CTSE: variants seen among roughly 807,000 people sequenced by gnomAD.
CTSE encodes the protein cathepsin E.
Under a neutral mutation model 42.8 loss-of-function variants are expected in CTSE, and 43 were observed. The ratio of observed to expected loss-of-function variants is 1.01; its 90% CI spans 0.79 to 1.30. The LOEUF (loss-of-function observed/expected upper bound fraction) is 1.30, where lower values mean the gene tolerates loss of function less well. Ranked by LOEUF, CTSE falls within the 50% of genes most tolerant of loss-of-function variation. The probability of loss-of-function intolerance (pLI) is 0.00; values close to 1 mark genes in which losing one functional copy is unlikely to be tolerated. For missense variants in CTSE, 532 were observed against 493.5 expected, an observed-to-expected ratio of 1.08 and a Z score of -0.74; for synonymous variants, 205 against 191.5, an observed-to-expected ratio of 1.07 and a Z score of -0.58.
At chr1:206,010,553 C>T (rs1661064536) in intron 8 of CTSE, among the ~76,000 whole-genome samples, 1 of 151,984 alleles carries the variant, frequency 6.6e-6, no homozygotes, top group African/African-American at 2.4e-5. Flanking sequence ...TGCACAAGTC[C>T]ATTCTTATGG....
At chr1:206,013,938 A>G in intron 5 of CTSE, 44 bp from the exon 6 acceptor site, 1 of 1,608,386 alleles carries the variant, frequency 6.2e-7, no homozygotes, top group Non-Finnish European at 8.5e-7. Flanking sequence ...GGCCACTGCA[A>G]AACTCTAGGG....
In CTSE at chr1:206,016,258, G is replaced by A. The variant is rs1661262033; in HGVS notation, c.463-128C>T. The A allele has an allele frequency of 3.7e-6, 3 of 813,744 alleles. No homozygotes were observed. The Admixed American group carries it at 6.6e-5, about 18-fold the overall frequency. The allele number at this position is 813,744 out of a possible 1,614,324, so 50.4% of individuals were successfully genotyped here. On this transcript the variant is annotated intron_variant, in intron 4 of 8. Coordinates refer to ENST00000358184, the MANE Select transcript of CTSE (RefSeq NM_001910.4). ...CCTTCCCAACTTTCCTTGACTAAAT[G>A]AGCACAAAGATGCTTGCTATATTCC...
At position 206,012,512 on chromosome 1, in the gene CTSE, C is replaced by T. The variant is rs554550981; in HGVS notation, c.923G>A (p.Gly308Glu). The T allele has an allele frequency of 6.2e-7, 1 of 1,614,010 alleles. No individual in the cohort carries two copies. The highest frequency in any genetic ancestry group is 1.7e-5 in the Admixed American group (1 of 60,016). ...CTTGCGCAGGCAGGCACTCACTTCT[C>T]CATCCACGGGGGCTGCCCCAATGGC... ...QNAIGAAPVD[G>E]EYAVECANLN... The change falls in exon 7 of 9, where the codon GGA becomes GAA. Residue 308 changes from glycine (G) to glutamate (E), a missense_variant. Transcript: ENST00000358184.
At chr1:206,012,206 G>T (rs1553277043) in intron 8 of CTSE, 102 bp downstream of exon 8, 12 of 908,686 alleles carry the variant, frequency 1.3e-5, no homozygotes, top group Non-Finnish European at 2.1e-5. Flanking sequence ...CGTGGGGCGG[G>T]GCTTAGGGTA....
chr1:206,023,147 G>C (rs1571824431), intron 1 of CTSE, 90 bp from the exon 2 acceptor site: 1 of 463,696 alleles, frequency 2.2e-6, no homozygotes, highest in Non-Finnish European at 4.2e-6. Context: ...GCCAACTAGA[G>C]AAGATGGGGT....
In CTSE at chr1:206,020,042, CAT is replaced by C. The variant is rs1294066003; in HGVS notation, c.462+1005_462+1006del. On this transcript the variant is annotated intron_variant, in intron 4 of 8. Coordinates refer to ENST00000358184, the MANE Select transcript of CTSE (RefSeq NM_001910.4). The stretch of plus-strand genomic sequence containing the variant: ...ATTATATTAATTATATAATATATAA[CAT>C]GTATTATATGATATAATTATGCAAT... Among the ~76,000 whole-genome samples the C allele has an allele frequency of 4.9e-5, 7 of 142,692 alleles. No homozygotes were observed. The East Asian group carries it at 7.9e-4, about 16-fold the overall frequency. 93.6% of individuals were successfully genotyped at this position (142,692 alleles called of 152,430 possible).
chr1:206,011,593 A>G (rs1661101314), intron 8 of CTSE, among the ~76,000 whole-genome samples: 1 of 152,012 alleles, frequency 6.6e-6, no homozygotes, highest in Non-Finnish European at 1.5e-5. Flanking sequence ...TTTGGGAAGG[A>G]GTTAATAGAG....
chr1:206,021,285 G>T lies in CTSE; in HGVS notation c.344-118C>A, dbSNP rs535336416. 1.2e-5 allele frequency: 9 copies of T among 759,236 alleles called. No homozygotes were observed. The East Asian group carries it at 2.0e-4, about 17-fold the overall frequency. 47.0% of individuals were successfully genotyped at this position (759,236 alleles called of 1,614,324 possible). ...TTCCCTCAGCTCTCAACACTGAGTG[G>T]GGGCCCCTAGAAGCCTGGTGATGCC... On this transcript the variant is annotated intron_variant, in intron 3 of 8. Transcript: ENST00000358184.
rs1661131230 is a variant in CTSE at position 206,012,425 on chromosome 1, G to T, written c.928-19C>A. ...CAGCATACTAAAACCCAATACGGAG[G>T]ATCCGTTTAGAGCCTTGCCACCTCC... On this transcript the variant is annotated intron_variant, in intron 7 of 8. Coordinates refer to ENST00000358184, the MANE Select transcript of CTSE (RefSeq NM_001910.4). 1 of 1,613,662 alleles carries T rather than the reference G, an allele frequency of 6.2e-7. No individual in the cohort carries two copies. The highest frequency in any genetic ancestry group is 1.7e-5 in the Admixed American group (1 of 60,014).
chr1:206,016,145 C>A lies in CTSE; in HGVS notation c.463-15G>T, dbSNP rs782703734. 1 of 1,611,500 alleles carries A rather than the reference C, an allele frequency of 6.2e-7. No homozygotes were observed. Among genetic ancestry groups the A allele is most frequent in the African/African-American group, 1.3e-5 (1 of 74,904 alleles). ...AGTCCTTCCACCTGGTAGGAGAAAGCCCACAGGAGAACAGGAGAATGGCAC... is the reference window on the plus strand; with the variant it reads ...AGTCCTTCCACCTGGTAGGAGAAAGACCACAGGAGAACAGGAGAATGGCAC... On this transcript the variant is annotated splice_polypyrimidine_tract_variant and intron_variant, in intron 4 of 8. Transcript: ENST00000358184.
At chr1:206,017,083 G>A (rs1441654458) in intron 4 of CTSE, among the ~76,000 whole-genome samples, 3 of 151,980 alleles carry the variant, frequency 2.0e-5, no homozygotes, top group Non-Finnish European at 1.5e-5. Flanking sequence ...ATTAATGTTT[G>A]TGATTTTTAT....
chr1:206,020,995 A>G lies in CTSE; in HGVS notation c.462+54T>C, dbSNP rs1661400116. 11 of 1,300,350 alleles carry G rather than the reference A, an allele frequency of 8.5e-6. No homozygotes were observed. In the Admixed American group the frequency reaches 1.3e-4, roughly 16 times the overall value. 80.6% of individuals were successfully genotyped at this position (1,300,350 alleles called of 1,614,324 possible). On this transcript the variant is annotated intron_variant, in intron 4 of 8. Coordinates refer to ENST00000358184, the MANE Select transcript of CTSE (RefSeq NM_001910.4). The stretch of plus-strand genomic sequence containing the variant: ...CAGATTTGAAATGTAAGACCTCTGA[A>G]TAAGTCTCCCAAGTTTCTGTCCAAG...
intron 3 of CTSE, 116 bp downstream of exon 3, chr1:206,022,034 G>C (rs1248928073): frequency 9.5e-6 from 6 of 630,322 alleles, no homozygotes; most frequent in Non-Finnish European, 1.6e-5. Flanking sequence ...GTGGAAGCTG[G>C]TGTGGCAGGG....
At chr1:206,022,073 C>T in intron 3 of CTSE, 77 bp downstream of exon 3, 2 of 985,856 alleles carry the variant, frequency 2.0e-6, no homozygotes, top group Non-Finnish European at 3.0e-6. Flanking sequence ...CTAAGCCCCC[C>T]TTCCCCAGAG....
Position 206,021,633 on chromosome 1 carries a change from T to C in CTSE, c.344-466A>G, listed in dbSNP as rs548862976. ...CTGTATCGAACAAGACATCTTTCTG[T>C]AGCTCTTCTTTTCCAATCCTCACTG... On this transcript the variant is annotated intron_variant, in intron 3 of 8. Coordinates refer to ENST00000358184, the MANE Select transcript of CTSE (RefSeq NM_001910.4). Among the ~76,000 whole-genome samples the C allele has an allele frequency of 7.6e-4, 115 of 152,104 alleles. 1 individual carries two copies. Among genetic ancestry groups the C allele is most frequent in the African/African-American group, 2.4e-3 (101 of 41,550 alleles).
intron 6 of CTSE, 115 bp downstream of exon 6, chr1:206,013,657 G>A: frequency 7.4e-7 from 1 of 1,359,412 alleles, no homozygotes; most frequent in East Asian, 2.3e-5. Context: ...TCCAACCACA[G>A]TAAGCTTCTG....
At chr1:206,013,930 C>T (rs750497396) in intron 5 of CTSE, 36 bp from the exon 6 acceptor site, 1 of 1,610,378 alleles carries the variant, frequency 6.2e-7, no homozygotes, top group East Asian at 2.2e-5. Flanking sequence ...CCAGGAAGGG[C>T]CACTGCAAAA....
At chr1:206,012,199 G>T in intron 8 of CTSE, 109 bp downstream of exon 8, 2 of 846,152 alleles carry the variant, frequency 2.4e-6, no homozygotes, top group South Asian at 1.7e-5. Flanking sequence ...AGAACAACGT[G>T]GGGCGGGGCT....
rs371689412 is a variant in CTSE, at chr1:206,014,891, T to C, written c.663-997A>G. On this transcript the variant is annotated intron_variant, in intron 5 of 8. Coordinates refer to ENST00000358184, the MANE Select transcript of CTSE (RefSeq NM_001910.4). The stretch of plus-strand genomic sequence containing the variant: ...GTGCTGTCATGCTGGAGAGGAAACA[T>C]AGCTTGATAGGGAAAATCCAGGACC... 7.2e-5 allele frequency among the ~76,000 whole-genome samples: 11 copies of C among 152,016 alleles called. 1 individual carries two copies. The highest frequency in any genetic ancestry group is 2.7e-4 in the African/African-American group (11 of 41,508).
Sources: allele counts gnomAD v4.1 joint callset (sites outside exome capture counted in the v4.1 genomes callset), GRCh38; gene constraint gnomAD v4.1.1; transcripts MANE v1.5; gene names NCBI Gene and HGNC (gene_info 2026-07-23, HGNC 2026-07-21).